Variants in KDM2B observed in about 807,000 individuals in gnomAD.
KDM2B encodes the protein lysine demethylase 2B, also known as lysine-specific demethylase 2B.
In KDM2B, 26 loss-of-function variants were observed where a neutral mutation model predicts 150.0. That is an observed-to-expected ratio of 0.17 (90% CI 0.13 to 0.24). The LOEUF is 0.24. Ranked by LOEUF, KDM2B falls within the 10% of genes least tolerant of loss-of-function variation. The probability of loss-of-function intolerance (pLI) is 1.00; values close to 1 mark genes in which losing one functional copy is unlikely to be tolerated. For missense variants in KDM2B, 1,265 were observed against 1,816.9 expected, an observed-to-expected ratio of 0.70 and a Z score of 5.52; for synonymous variants, 734 against 729.5, an observed-to-expected ratio of 1.01 and a Z score of -0.10.
intron 7 of KDM2B, among the ~76,000 whole-genome samples, chr12:121,534,087 C>T (rs1406497508): frequency 6.6e-6 from 1 of 152,024 alleles, no homozygotes; most frequent in African/African-American, 2.4e-5. Context: ...CAGTGGCTCA[C>T]GCCTCTAATC....
chr12:121,551,130 A>G (rs1889455689), intron 4 of KDM2B, among the ~76,000 whole-genome samples: 1 of 152,128 alleles, frequency 6.6e-6, no homozygotes, highest in Non-Finnish European at 1.5e-5. Context: ...AGATGTTGAT[A>G]TGGGTAATAG....
rs1291589254 is a variant in KDM2B, at chr12:121,520,988, C to T, written c.1044G>A (p.Thr348=). ...GGACAGAAGGGAACCTCCTTACCCG[C>T]GTCCTGTCCTCGATCTCGTAGATCC... The part of the protein sequence containing the change: ...QLRIYEIEDR[T]RVQPKFRYPF... Residue 348 remains threonine (T), a synonymous_variant, in exon 9 of 23, where the codon ACG becomes ACA. Transcript: ENST00000377071. The surrounding 1 kb of genome is among the most constrained non-coding windows in gnomAD (Gnocchi z 4.5). 1.9e-6 allele frequency: 3 copies of T among 1,613,394 alleles called. No individual in the cohort carries two copies. Among genetic ancestry groups the T allele is most frequent in the South Asian group, 1.1e-5 (1 of 91,064 alleles).
chr12:121,550,187 A>G (rs782155886), intron 4 of KDM2B, among the ~76,000 whole-genome samples: 12 of 152,064 alleles, frequency 7.9e-5, no homozygotes, highest in Non-Finnish European at 1.6e-4. Flanking sequence ...GCTCACGCCT[A>G]TAGTGCCAGC....
At chr12:121,463,016 CAAAAA>C (rs376231867) in intron 12 of KDM2B, among the ~76,000 whole-genome samples, 1 of 119,556 alleles carries the variant, frequency 8.4e-6, no homozygotes, top group Admixed American at 8.3e-5. Context: ...CCTGCCTCAG[CAAAAA>C]AAAAAAAAAA....
At chr12:121,580,083 AAC>A in intron 1 of KDM2B, 1 of 1,607,686 alleles carries the variant, frequency 6.2e-7, no homozygotes, top group Non-Finnish European at 8.5e-7. Flanking sequence ...ATTAATTGTC[AAC>A]ACTCCTGCCC....
chr12:121,562,344 C>G (rs1233390431), intron 4 of KDM2B, among the ~76,000 whole-genome samples: 1 of 151,654 alleles, frequency 6.6e-6, no homozygotes, highest in Admixed American at 6.6e-5. Flanking sequence ...ATTAGCCGGG[C>G]GTGGTGGTAT....
At chr12:121,421,157 A>T in the KDM2B span, among the ~76,000 whole-genome samples, 1 of 152,040 alleles carries the variant, frequency 6.6e-6, no homozygotes, top group Non-Finnish European at 1.5e-5. Context: ...GTAGGGGGAA[A>T]ATTCCCTATA....
intron 12 of KDM2B, among the ~76,000 whole-genome samples, chr12:121,474,077 G>A (rs1555296330): frequency 6.6e-6 from 1 of 152,174 alleles, no homozygotes; most frequent in Non-Finnish European, 1.5e-5. Flanking sequence ...AGGGACCAGG[G>A]GAGGGGGAGC....
intron 12 of KDM2B, among the ~76,000 whole-genome samples, chr12:121,473,419 TAAAG>T (rs1460676778): frequency 4.1e-5 from 6 of 144,734 alleles, no homozygotes; most frequent in East Asian, 4.2e-4. Context: ...AATGAGATGA[TAAAG>T]AAGACAGTAA....
chr12:121,548,772 C>T (rs985248009), intron 6 of KDM2B, 105 bp downstream of exon 6: 48 of 823,528 alleles, frequency 5.8e-5, no homozygotes, highest in East Asian at 2.2e-4. Context: ...GCGGTTGTGA[C>T]GCTCAAGCCT....
intron 12 of KDM2B, among the ~76,000 whole-genome samples, chr12:121,458,049 T>C (rs1878532927): frequency 6.6e-6 from 1 of 152,094 alleles, no homozygotes; most frequent in Admixed American, 6.6e-5. Flanking sequence ...TCGGTTATAC[T>C]CCCCAAAGTG....
In KDM2B at chr12:121,453,402, C is replaced by T; in HGVS notation, c.1735-58G>A. 1 of 1,395,058 alleles carries T rather than the reference C, an allele frequency of 7.2e-7. No homozygotes were observed. The highest frequency in any genetic ancestry group is 2.2e-5 in the Admixed American group (1 of 45,300). 86.4% of individuals were successfully genotyped at this position (1,395,058 alleles called of 1,614,324 possible). Reference sequence around the variant, plus strand: ...GGAGACTGCAGGCACGGCCAGACCCCCGGAAAGGGTGTTAGGGAGCAAACT... The same window carrying T: ...GGAGACTGCAGGCACGGCCAGACCCTCGGAAAGGGTGTTAGGGAGCAAACT... On this transcript the variant is annotated intron_variant, in intron 12 of 22. Coordinates refer to ENST00000377071, the MANE Select transcript of KDM2B (RefSeq NM_032590.5). This position sits in a 1 kb window ranked among gnomAD's most constrained non-coding sequence, Gnocchi z 6.4.
intron 7 of KDM2B, 27 bp downstream of exon 7, chr12:121,534,470 A>G: frequency 1.3e-6 from 2 of 1,561,412 alleles, no homozygotes; most frequent in Non-Finnish European, 1.8e-6. Context: ...AGAGATGCAT[A>G]GAAAGTTAAA....
chr12:121,447,120 TA>T (rs1291782290), intron 13 of KDM2B, among the ~76,000 whole-genome samples: 2 of 152,196 alleles, frequency 1.3e-5, no homozygotes, highest in Non-Finnish European at 2.9e-5. Context: ...AAAAGGCTAT[TA>T]AAATACTCCT....
intron 1 of KDM2B, 56 bp from the exon 2 acceptor site, chr12:121,579,002 C>T (rs868928153): frequency 1.3e-6 from 2 of 1,570,246 alleles, no homozygotes; most frequent in Middle Eastern, 3.4e-4. Context: ...TGGAGGTCGC[C>T]TCTCAACCTG....
chr12:121,521,245 G>A lies in KDM2B; in HGVS notation c.932-145C>T, dbSNP rs1317449777. ...CCAGGGCCTGGGGCAGCGGCGCCCA[G>A]CAATGCCTGCTGCACAACGCCCAGG... On this transcript the variant is annotated intron_variant, in intron 8 of 22. Coordinates refer to ENST00000377071, the MANE Select transcript of KDM2B (RefSeq NM_032590.5). The surrounding 1 kb of genome is among the most constrained non-coding windows in gnomAD (Gnocchi z 4.9). 6 of 604,404 alleles carry A rather than the reference G, an allele frequency of 9.9e-6. No individual in the cohort carries two copies. The Admixed American group carries it at 1.3e-4, about 13-fold the overall frequency. 37.4% of individuals were successfully genotyped at this position (604,404 alleles called of 1,614,324 possible).
At chr12:121,412,718 T>G in the KDM2B span, among the ~76,000 whole-genome samples, 1 of 150,112 alleles carries the variant, frequency 6.7e-6, no homozygotes, top group Non-Finnish European at 1.5e-5. Context: ...AATCTAGATG[T>G]TCATGCTTTT....
chr12:121,540,115 G>A (rs1555309483), intron 6 of KDM2B, among the ~76,000 whole-genome samples: 2 of 152,074 alleles, frequency 1.3e-5, no homozygotes, highest in Non-Finnish European at 1.5e-5. Context: ...CTATAAAATG[G>A]GGATAGTAAC....
chr12:121,451,341 G>A (rs1278624792), intron 13 of KDM2B, among the ~76,000 whole-genome samples: 3 of 152,114 alleles, frequency 2.0e-5, no homozygotes, highest in Non-Finnish European at 4.4e-5. Context: ...TAAGATATGT[G>A]TTAATGGACT....
Sources: gnomAD v4.1 joint callset for allele counts (sites outside exome capture counted in the v4.1 genomes callset) on GRCh38, gnomAD v4.1.1 for gene constraint, Gnocchi (gnomAD v3.1) non-coding constraint, MANE v1.5 for transcripts, NCBI Gene and HGNC (gene_info 2026-07-23, HGNC 2026-07-21) for gene names.